CUX1: variants seen among roughly 807,000 people sequenced by gnomAD.
The protein encoded by CUX1 is cut like homeobox 1.
Under a neutral mutation model 158.8 loss-of-function variants are expected in CUX1, and 31 were observed. That is an observed-to-expected ratio of 0.20 (90% CI 0.15 to 0.26). The LOEUF (loss-of-function observed/expected upper bound fraction) is 0.26. CUX1 is among the 10% of genes least tolerant of loss of function. The pLI is 1.00. For synonymous variants in CUX1, 879 were observed against 862.1 expected (o/e 1.02, Z -0.34); for missense variants, 1,589 against 2,014.6 (o/e 0.79, Z 4.04).
At chr7:102,072,935 T>G (rs938281262) in intron 4 of CUX1, among the ~76,000 whole-genome samples, 1 of 152,114 alleles carries the variant, frequency 6.6e-6, no homozygotes, top group Non-Finnish European at 1.5e-5. Context: ...GAGTTCATTC[T>G]TTGACTTTTT....
At chr7:101,965,804 G>A (rs1318929984) in intron 2 of CUX1, among the ~76,000 whole-genome samples, 5 of 127,096 alleles carry the variant, frequency 3.9e-5, no homozygotes, top group South Asian at 5.3e-4. Context: ...AGCCGAGATC[G>A]CACCACTGCA....
Position 102,239,379 on chromosome 7 carries a change from G to A in CUX1, c.3682G>A (p.Val1228Ile). ...CAGCCAGCCCTGCGAACCGCCCTCT[G>A]TCGGCACCGAGTACAGCCAGGGCGC... ...SDSQPCEPPS[V>I]GTEYSQGASP... The change falls in exon 23 of 24, where the codon GTC becomes ATC. Residue 1228 changes from valine to isoleucine, a missense_variant. By Grantham distance (29) the Val-to-Ile change is conservative (BLOSUM62 3). Coordinates refer to ENST00000292535, the MANE Select transcript of CUX1 (RefSeq NM_181552.4). 1 of 1,613,092 alleles carries A rather than the reference G, an allele frequency of 6.2e-7. No individual in the cohort carries two copies. Among genetic ancestry groups the A allele is most frequent in the Non-Finnish European group, 8.5e-7 (1 of 1,179,864 alleles).
At chr7:101,976,206 C>G (rs1812650649) in intron 2 of CUX1, among the ~76,000 whole-genome samples, 1 of 152,162 alleles carries the variant, frequency 6.6e-6, no homozygotes, top group African/African-American at 2.4e-5. Context: ...CCCAAATCTA[C>G]CATTCATTTT....
At chr7:102,219,497 A>T (rs444190) in intron 20 of CUX1, among the ~76,000 whole-genome samples, 139,395 of 152,248 alleles carry the variant, frequency 0.92, 63,981 homozygotes, top group East Asian at 1. Context: ...GCCACTTGTA[A>T]GGGCACAGAC....
rs995693001 is a variant in CUX1, at chr7:102,255,787, G to C, written c.*6745G>C. ...ATTGAAGTGGCACGGAGCTGCTTTT[G>C]TTTTATAATTCTTTTTTCCCCCCTT... On this transcript the variant is annotated 3_prime_UTR_variant, in exon 24 of 24. Coordinates refer to ENST00000292535, the MANE Select transcript of CUX1 (RefSeq NM_181552.4). The C allele has an allele frequency of 1.0e-6, 1 of 985,082 alleles. No homozygotes were observed. 61.0% of individuals were successfully genotyped at this position (985,082 alleles called of 1,614,324 possible). A position where few individuals can be genotyped will look rare whatever the true frequency, so the allele number is the denominator to read the frequency against.
At chr7:101,985,274 G>T (rs939088495) in intron 2 of CUX1, among the ~76,000 whole-genome samples, 1 of 152,194 alleles carries the variant, frequency 6.6e-6, no homozygotes, top group Admixed American at 6.5e-5. Flanking sequence ...AGACGGGAGA[G>T]GGGGGTCGTG....
At position 102,201,803 on chromosome 7, in the gene CUX1, G is replaced by T; in HGVS notation, c.2506G>T (p.Ala836Ser). 4 of 1,612,828 alleles carry T rather than the reference G, an allele frequency of 2.5e-6. No individual in the cohort carries two copies. The highest frequency in any genetic ancestry group is 2.5e-6 in the Non-Finnish European group (3 of 1,179,922). The change falls in exon 18 of 24, where the codon GCC becomes TCC. Residue 836 changes from alanine to serine, a missense_variant. Coordinates refer to ENST00000292535, the MANE Select transcript of CUX1 (RefSeq NM_181552.4). The surrounding 1 kb of genome is among the most constrained non-coding windows in gnomAD (Gnocchi z 5.0). The stretch of plus-strand genomic sequence containing the variant: ...GGTGCAGCCGGAGAGAAGAAATGCC[G>T]CCTCCTCCGAGGAGGCCAAGGCCGA... ...SAVQPERRNA[A>S]SSEEAKAEET...
At chr7:101,919,167 C>A (rs117179485) in intron 2 of CUX1, among the ~76,000 whole-genome samples, 1 of 152,134 alleles carries the variant, frequency 6.6e-6, no homozygotes, top group African/African-American at 2.4e-5. Context: ...GTGCAGGAGG[C>A]GGAGTTCCCT....
At chr7:102,279,897 C>T in intron 18 of CUX1, 2 of 641,530 alleles carry the variant, frequency 3.1e-6, no homozygotes, top group Non-Finnish European at 5.6e-6. Context: ...AGCACCCTCT[C>T]CTCCCGCCTC....
intron 2 of CUX1, among the ~76,000 whole-genome samples, chr7:102,013,557 G>A (rs556951005): frequency 4.1e-4 from 63 of 152,296 alleles, no homozygotes; most frequent in Non-Finnish European, 8.2e-4. Flanking sequence ...GGCAGTTATT[G>A]ACCAAACACA....
chr7:101,915,225 C>A (rs1804044558), intron 1 of CUX1, among the ~76,000 whole-genome samples: 1 of 152,156 alleles, frequency 6.6e-6, no homozygotes, highest in African/African-American at 2.4e-5. Flanking sequence ...CCTGGAACAC[C>A]ATTCTGGGGC....
chr7:101,933,840 T>G (rs901532393), intron 2 of CUX1, among the ~76,000 whole-genome samples: 7 of 152,232 alleles, frequency 4.6e-5, no homozygotes, highest in African/African-American at 1.7e-4. Flanking sequence ...AGCCATTCTG[T>G]CTTTTAGCCC....
intron 3 of CUX1, among the ~76,000 whole-genome samples, chr7:102,050,156 G>C (rs987508338): frequency 4.6e-5 from 7 of 152,196 alleles, no homozygotes; most frequent in Non-Finnish European, 7.3e-5. Flanking sequence ...CTTGGAGTCA[G>C]ATCTGGATTT....
intron 2 of CUX1, among the ~76,000 whole-genome samples, chr7:101,980,578 A>G (rs1475159636): frequency 6.6e-6 from 1 of 152,196 alleles, no homozygotes; most frequent in Non-Finnish European, 1.5e-5. Context: ...TGAGTGAAAA[A>G]TGACACAATC....
Position 102,211,506 on chromosome 7 carries a change from C to T in CUX1, c.3130+6336C>T, listed in dbSNP as rs576797183. On this transcript the variant is annotated intron_variant, in intron 20 of 23. Coordinates refer to ENST00000292535, the MANE Select transcript of CUX1 (RefSeq NM_181552.4). Reference sequence around the variant, plus strand: ...TTAAAGAATCAGCTTTTCGGCTGGGCGCAGTGGCTCACACCTGTAATCCCA... The same window carrying T: ...TTAAAGAATCAGCTTTTCGGCTGGGTGCAGTGGCTCACACCTGTAATCCCA... Among the ~76,000 whole-genome samples, 21 of 151,730 alleles carry T rather than the reference C, an allele frequency of 1.4e-4. No individual in the cohort carries two copies. The South Asian group carries it at 1.7e-3, about 12-fold the overall frequency.
intron 2 of CUX1, among the ~76,000 whole-genome samples, chr7:101,991,002 G>A (rs966204494): frequency 3.3e-5 from 5 of 152,206 alleles, no homozygotes; most frequent in African/African-American, 1.2e-4. Flanking sequence ...TCTCATCAAC[G>A]CTTTTTAAAC....
chr7:102,064,633 C>G (rs527316443), intron 3 of CUX1, among the ~76,000 whole-genome samples: 2 of 152,336 alleles, frequency 1.3e-5, no homozygotes, highest in East Asian at 3.9e-4. Flanking sequence ...CTTCCTCCCT[C>G]CCTCCCACGG....
chr7:101,961,804 A>T (rs1204412534), intron 2 of CUX1: 4 of 145,626 alleles, frequency 2.7e-5, no homozygotes, highest in Non-Finnish European at 5.9e-5. Context: ...TGAACCCAGG[A>T]GGCGGAGGTT....
intron 2 of CUX1, among the ~76,000 whole-genome samples, chr7:101,971,116 GCT>G (rs758180050): frequency 3.9e-5 from 6 of 152,232 alleles, no homozygotes; most frequent in Non-Finnish European, 7.3e-5. Context: ...GGAGACTGAG[GCT>G]CAGAGAGGTC....
Sources: allele counts gnomAD v4.1 joint callset (sites outside exome capture counted in the v4.1 genomes callset), GRCh38; gene constraint gnomAD v4.1.1; non-coding constraint Gnocchi (gnomAD v3.1); transcripts MANE v1.5; gene names NCBI Gene and HGNC (gene_info 2026-07-23, HGNC 2026-07-21).